SLC17A8: variants seen among roughly 807,000 people sequenced by gnomAD.
SLC17A8 encodes solute carrier family 17 member 8.
SLC17A8 carries 31 observed loss-of-function variants against 58.0 expected under a neutral mutation model. The observed-to-expected ratio is 0.53, with a 90% CI of 0.40 to 0.72. The LOEUF (loss-of-function observed/expected upper bound fraction) is 0.72, where lower values mean the gene tolerates loss of function less well. SLC17A8 is among the 30% of genes least tolerant of loss of function. The pLI, the probability that SLC17A8 is intolerant of heterozygous loss-of-function variation, is 0.00. For missense variants in SLC17A8, 655 were observed against 727.8 expected, an observed-to-expected ratio of 0.90 and a Z score of 1.15; for synonymous variants, 228 against 249.0, an observed-to-expected ratio of 0.92 and a Z score of 0.79.
At chr12:100,403,101 C>A (rs1193215206) in intron 8 of SLC17A8, among the ~76,000 whole-genome samples, 1 of 152,100 alleles carries the variant, frequency 6.6e-6, no homozygotes, top group Non-Finnish European at 1.5e-5. Context: ...GCAGTAAGAA[C>A]CTTACCATTC....
At position 100,391,048 on chromosome 12, in the gene SLC17A8, A is replaced by T. The variant is rs774646722; in HGVS notation, c.402A>T (p.Gly134=). 34 of 1,613,860 alleles carry T rather than the reference A, an allele frequency of 2.1e-5. No homozygotes were observed. In the Middle Eastern group the frequency reaches 4.9e-4, roughly 23 times the overall value. Reference sequence around the variant, plus strand: ...CAGAAACAGTGGGCCTTATCCATGGATCTTTTTTCTGGGGCTATATTATGA... The same window carrying T: ...CAGAAACAGTGGGCCTTATCCATGGTTCTTTTTTCTGGGGCTATATTATGA... The part of the protein sequence containing the change: ...WDPETVGLIH[G]SFFWGYIMTQ... The change falls in exon 3 of 12, where the codon GGA becomes GGT. Residue 134 remains glycine (G), a synonymous_variant. Coordinates refer to ENST00000323346, the MANE Select transcript of SLC17A8 (RefSeq NM_139319.3).
At position 100,420,936 on chromosome 12, in the gene SLC17A8, T is replaced by C. The variant is rs1036830207; in HGVS notation, c.*777T>C. 1 of 152,212 alleles carries C rather than the reference T, an allele frequency of 6.6e-6. No individual in the cohort carries two copies. Among genetic ancestry groups the C allele is most frequent in the African/African-American group, 2.4e-5 (1 of 41,462 alleles). 9.4% of individuals were successfully genotyped at this position (152,212 alleles called of 1,614,324 possible). A position where few individuals can be genotyped will look rare whatever the true frequency, so the allele number is the denominator to read the frequency against. ...TTCAAAGACCCTCAGTGTTCTATGT[T>C]ATCTGAAGAGTCAAATGGTTTTGTG... On this transcript the variant is annotated 3_prime_UTR_variant, in exon 12 of 12. Coordinates refer to ENST00000323346, the MANE Select transcript of SLC17A8 (RefSeq NM_139319.3).
chr12:100,378,257 A>G (rs761635285), intron 1 of SLC17A8, among the ~76,000 whole-genome samples: 3 of 152,190 alleles, frequency 2.0e-5, no homozygotes, highest in Non-Finnish European at 2.9e-5. Flanking sequence ...CTGGAAAAAC[A>G]TAAAATGGCC....
rs148663155 is a variant in SLC17A8, at chr12:100,377,479, T to C, written c.102-3222T>C. 3.5e-3 allele frequency among the ~76,000 whole-genome samples: 531 copies of C among 150,932 alleles called. 2 individuals carry two copies. The highest frequency in any genetic ancestry group is 0.011 in the African/African-American group (469 of 40,962). ...ATTAGGCTAAAGTCACACAGCTGAGTAAGTGGGCGACTCAACATTCAAAGT... is the reference window on the plus strand; with the variant it reads ...ATTAGGCTAAAGTCACACAGCTGAGCAAGTGGGCGACTCAACATTCAAAGT... On this transcript the variant is annotated intron_variant, in intron 1 of 11. Transcript: ENST00000323346.
rs1952946818 is a variant in SLC17A8, at chr12:100,421,337, T to C, written c.*1178T>C. The C allele has an allele frequency of 6.6e-6, 1 of 152,156 alleles. No homozygotes were observed. Among genetic ancestry groups the C allele is most frequent in the Non-Finnish European group, 1.5e-5 (1 of 67,994 alleles). 9.4% of individuals were successfully genotyped at this position (152,156 alleles called of 1,614,324 possible). A position where few individuals can be genotyped will look rare whatever the true frequency, so the allele number is the denominator to read the frequency against. ...TAAAATTATGATTTTGTATCAAAAGTATTCATGATGACTCTATTTGGAATG... is the reference window on the plus strand; with the variant it reads ...TAAAATTATGATTTTGTATCAAAAGCATTCATGATGACTCTATTTGGAATG... On this transcript the variant is annotated 3_prime_UTR_variant, in exon 12 of 12. Transcript: ENST00000323346.
chr12:100,361,626 A>C (rs1487755924), intron 1 of SLC17A8, among the ~76,000 whole-genome samples: 1 of 152,128 alleles, frequency 6.6e-6, no homozygotes, highest in Non-Finnish European at 1.5e-5. Flanking sequence ...AATGTGATTT[A>C]ATGAGCTCTT....
intron 1 of SLC17A8, 94 bp downstream of exon 1, chr12:100,357,586 T>A: frequency 1.2e-6 from 1 of 836,346 alleles, no homozygotes; most frequent in Non-Finnish European, 2.1e-6. Context: ...AACCACACTT[T>A]AATGAGGAGA....
chr12:100,419,678 G>A (rs1188212576), intron 11 of SLC17A8, 137 bp from the exon 12 acceptor site: 25 of 752,524 alleles, frequency 3.3e-5, no homozygotes, highest in East Asian at 1.1e-4. Flanking sequence ...TCTGACACAC[G>A]TCCTCCCGCC....
chr12:100,395,596 A>G (rs1256834808), intron 4 of SLC17A8, among the ~76,000 whole-genome samples: 1 of 151,246 alleles, frequency 6.6e-6, no homozygotes, highest in Non-Finnish European at 1.5e-5. Flanking sequence ...AACTGTTGGG[A>G]TTACAAGCAT....
intron 1 of SLC17A8, among the ~76,000 whole-genome samples, chr12:100,378,689 G>A (rs557327641): frequency 1.5e-4 from 23 of 152,208 alleles, no homozygotes; most frequent in Non-Finnish European, 2.9e-4. Context: ...AGTGTCCAGG[G>A]AAAGGGGCTG....
At chr12:100,358,716 G>A (rs1952464262) in intron 1 of SLC17A8, among the ~76,000 whole-genome samples, 1 of 152,120 alleles carries the variant, frequency 6.6e-6, no homozygotes. Flanking sequence ...CTTCCGTTGA[G>A]CACTCCCCAG....
intron 3 of SLC17A8, among the ~76,000 whole-genome samples, chr12:100,391,596 C>G (rs543074282): frequency 4.6e-5 from 7 of 152,296 alleles, no homozygotes; most frequent in African/African-American, 1.4e-4. Flanking sequence ...TGTGAGACAC[C>G]AGCGCCCAGT....
intron 1 of SLC17A8, among the ~76,000 whole-genome samples, chr12:100,376,490 C>T (rs1952595604): frequency 2.0e-5 from 3 of 152,310 alleles, no homozygotes; most frequent in South Asian, 4.2e-4. Flanking sequence ...GTCCAAGGAA[C>T]CTAGACAGCA....
intron 2 of SLC17A8, among the ~76,000 whole-genome samples, chr12:100,383,471 G>A (rs538634846): frequency 6.6e-6 from 1 of 152,256 alleles, no homozygotes; most frequent in Admixed American, 6.5e-5. Context: ...TATCAAGTGA[G>A]CATGTTCAAC....
In SLC17A8 at chr12:100,371,079, C is replaced by T. The variant is rs141322049; in HGVS notation, c.102-9622C>T. On this transcript the variant is annotated intron_variant, in intron 1 of 11. Coordinates refer to ENST00000323346, the MANE Select transcript of SLC17A8 (RefSeq NM_139319.3). ...GTGCTGAAATCCATGCTGATAAGAT[C>T]CTATTTCAAATCTCAAACTAGCTCT... 7.6e-3 allele frequency among the ~76,000 whole-genome samples: 1,152 copies of T among 152,288 alleles called. 15 individuals are homozygous for T. The highest frequency in any genetic ancestry group is 0.026 in the African/African-American group (1,061 of 41,550).
chr12:100,418,365 A>G (rs762445887), intron 11 of SLC17A8, among the ~76,000 whole-genome samples: 20 of 151,394 alleles, frequency 1.3e-4, no homozygotes, highest in Non-Finnish European at 2.7e-4. Context: ...GTTTTGTTCT[A>G]TGTTTTCTCA....
chr12:100,398,497 A>G (rs375268865), intron 5 of SLC17A8, among the ~76,000 whole-genome samples: 8 of 152,306 alleles, frequency 5.3e-5, no homozygotes, highest in East Asian at 3.9e-4. Flanking sequence ...TTATAGCCCT[A>G]AAAGGGCTGA....
intron 8 of SLC17A8, among the ~76,000 whole-genome samples, chr12:100,403,593 C>A (rs2182621): frequency 0.09 from 13,759 of 152,148 alleles, 1,343 homozygotes; most frequent in East Asian, 0.55. Context: ...GAATCATCAA[C>A]CATCATCATA....
rs529148570 is a variant in SLC17A8 at position 100,409,374 on chromosome 12, A to C, written c.1187-3396A>C. 2.6e-5 allele frequency among the ~76,000 whole-genome samples: 4 copies of C among 151,880 alleles called. No homozygotes were observed. In the East Asian group the frequency reaches 5.8e-4, roughly 22 times the overall value. ...CTAACTTTCATATGTTTAGTAGAGAAGGGGTTTTGCCATGTTGCCCAGGCT... is the reference window on the plus strand; with the variant it reads ...CTAACTTTCATATGTTTAGTAGAGACGGGGTTTTGCCATGTTGCCCAGGCT... On this transcript the variant is annotated intron_variant, in intron 9 of 11. Coordinates refer to ENST00000323346, the MANE Select transcript of SLC17A8 (RefSeq NM_139319.3).
Sources: allele counts gnomAD v4.1 joint callset (sites outside exome capture counted in the v4.1 genomes callset), GRCh38; gene constraint gnomAD v4.1.1; transcripts MANE v1.5; gene names NCBI Gene and HGNC (gene_info 2026-07-23, HGNC 2026-07-21).